The following ROR2 variants were observed in gnomAD, a reference collection of about 807,000 sequenced individuals.
ROR2 encodes the protein tyrosine-protein kinase transmembrane receptor ROR2.
A neutral mutation model predicts 74.9 loss-of-function variants in ROR2; 33 were observed. The ratio of observed to expected loss-of-function variants is 0.44; its 90% confidence interval spans 0.33 to 0.59. The LOEUF (loss-of-function observed/expected upper bound fraction) is 0.59. Among genes scored for constraint, ROR2 ranks in the 20% least tolerant of loss-of-function variants. The pLI is 0.02. For missense variants in ROR2, 1,216 were observed against 1,313.8 expected, an observed-to-expected ratio of 0.93 and a Z score of 1.15; for synonymous variants, 586 against 558.7, an observed-to-expected ratio of 1.05 and a Z score of -0.69.
At chr9:91,768,234 C>T (rs932200435) in intron 2 of ROR2, among the ~76,000 whole-genome samples, 1 of 152,188 alleles carries the variant, frequency 6.6e-6, no homozygotes, top group South Asian at 2.1e-4. Flanking sequence ...AGAAAACATT[C>T]TGATGTCTTA....
chr9:91,939,093 A>C (rs1162884731), intron 1 of ROR2, among the ~76,000 whole-genome samples: 2 of 152,114 alleles, frequency 1.3e-5, no homozygotes, highest in Admixed American at 6.6e-5. Flanking sequence ...TACTAAAAAT[A>C]CAAAAAATTA....
At chr9:91,728,513 C>A (rs923801928) in intron 7 of ROR2, among the ~76,000 whole-genome samples, 4 of 152,206 alleles carry the variant, frequency 2.6e-5, no homozygotes, top group Non-Finnish European at 5.9e-5. Flanking sequence ...TCACTGCAAC[C>A]TCTGCCCCCT....
At chr9:91,942,536 T>C (rs1831901279) in intron 1 of ROR2, among the ~76,000 whole-genome samples, 2 of 152,234 alleles carry the variant, frequency 1.3e-5, no homozygotes, top group African/African-American at 4.8e-5. Flanking sequence ...CATTTATCAG[T>C]TGGCACTTTG....
At chr9:91,940,114 GCACAGCTGCATTCATGGCAA>G (rs894585353) in intron 1 of ROR2, among the ~76,000 whole-genome samples, 28 of 152,316 alleles carry the variant, frequency 1.8e-4, no homozygotes, top group African/African-American at 6.3e-4. Context: ...GAACCCCAGA[GCACAGCTGCATTCATGGCAA>G]CTCAGCCCCG....
intron 1 of ROR2, among the ~76,000 whole-genome samples, chr9:91,944,574 C>T (rs1029383414): frequency 6.6e-6 from 1 of 151,872 alleles, no homozygotes; most frequent in African/African-American, 2.4e-5. Flanking sequence ...TAACAGTGGG[C>T]AATGTGAAAA....
chr9:91,860,855 T>C (rs1247196842), intron 1 of ROR2, among the ~76,000 whole-genome samples: 8 of 152,306 alleles, frequency 5.3e-5, no homozygotes, highest in Admixed American at 5.2e-4. Context: ...AAGGTAATGC[T>C]CTACCATTCT....
At chr9:91,779,612 C>T (rs1446796859) in intron 1 of ROR2, among the ~76,000 whole-genome samples, 2 of 152,034 alleles carry the variant, frequency 1.3e-5, no homozygotes, top group Non-Finnish European at 2.9e-5. Context: ...CTTAAATGAT[C>T]CACCCACCTC....
chr9:91,872,598 G>A (rs1829829408), intron 1 of ROR2, among the ~76,000 whole-genome samples: 1 of 152,148 alleles, frequency 6.6e-6, no homozygotes, highest in African/African-American at 2.4e-5. Context: ...GTGTTTATAG[G>A]CCATTTTATT....
chr9:91,921,251 T>C (rs1418206340), intron 1 of ROR2, among the ~76,000 whole-genome samples: 6 of 152,230 alleles, frequency 3.9e-5, no homozygotes, highest in Non-Finnish European at 7.3e-5. Flanking sequence ...AACAAAGAAG[T>C]GGCTACTTCA....
intron 1 of ROR2, among the ~76,000 whole-genome samples, chr9:91,916,198 TC>T (rs1285900382): frequency 1.3e-5 from 2 of 152,166 alleles, no homozygotes; most frequent in Non-Finnish European, 2.9e-5. Flanking sequence ...GAAATTTGTT[TC>T]CCCCGCAACT....
intron 1 of ROR2, among the ~76,000 whole-genome samples, chr9:91,849,388 A>C (rs1445192739): frequency 6.6e-6 from 1 of 152,224 alleles, no homozygotes; most frequent in Non-Finnish European, 1.5e-5. Flanking sequence ...CAATCTCTTC[A>C]CTTTCAAAGA....
At chr9:91,796,552 G>T (rs1827176479) in intron 1 of ROR2, among the ~76,000 whole-genome samples, 1 of 151,916 alleles carries the variant, frequency 6.6e-6, no homozygotes, top group Non-Finnish European at 1.5e-5. Flanking sequence ...TGGAGTAGTT[G>T]TGATAATGTC....
intron 4 of ROR2, among the ~76,000 whole-genome samples, chr9:91,743,096 C>A (rs1825301531): frequency 6.6e-6 from 1 of 152,134 alleles, no homozygotes; most frequent in Non-Finnish European, 1.5e-5. Flanking sequence ...GAGAAAATCA[C>A]TAATGCATTT....
chr9:91,896,252 A>G (rs1830535656), intron 1 of ROR2, among the ~76,000 whole-genome samples: 1 of 152,212 alleles, frequency 6.6e-6, no homozygotes, highest in Non-Finnish European at 1.5e-5. Flanking sequence ...CTTCCTTGCC[A>G]GTGCCGCTCC....
intron 1 of ROR2, among the ~76,000 whole-genome samples, chr9:91,834,165 AC>A (rs1259952584): frequency 6.6e-6 from 1 of 152,208 alleles, no homozygotes. Flanking sequence ...AGAAAAAGGC[AC>A]AGCCTGGCTC....
intron 1 of ROR2, among the ~76,000 whole-genome samples, chr9:91,876,369 CAA>C (rs34524843): frequency 6.8e-6 from 1 of 146,502 alleles, no homozygotes. Flanking sequence ...ACTCTGTCTC[CAA>C]AAAAAAAAAG....
At chr9:91,786,922 G>A (rs1384298365) in intron 1 of ROR2, among the ~76,000 whole-genome samples, 2 of 152,148 alleles carry the variant, frequency 1.3e-5, no homozygotes, top group Non-Finnish European at 2.9e-5. Flanking sequence ...ACACACTCCC[G>A]GGGAAGGGAA....
intron 1 of ROR2, among the ~76,000 whole-genome samples, chr9:91,858,773 C>A (rs7045226): frequency 6.6e-6 from 1 of 151,976 alleles, no homozygotes; most frequent in Non-Finnish European, 1.5e-5. Context: ...TTCTAAGTCC[C>A]GACAAGAACC....
intron 1 of ROR2, among the ~76,000 whole-genome samples, chr9:91,924,199 C>T (rs537236473): frequency 6.6e-6 from 1 of 152,356 alleles, no homozygotes; most frequent in South Asian, 2.1e-4. Context: ...GGTAGGTGAT[C>T]CCTCCTGCTG....
Sources: gnomAD v4.1 joint callset for allele counts (sites outside exome capture counted in the v4.1 genomes callset) on GRCh38, gnomAD v4.1.1 for gene constraint, MANE v1.5 for transcripts, NCBI Gene and HGNC (gene_info 2026-07-23, HGNC 2026-07-21) for gene names.